The following MAP3K13 variants were observed in gnomAD, a reference collection of about 807,000 sequenced individuals.
MAP3K13 encodes mitogen-activated protein kinase kinase kinase 13, also known as leucine zipper-bearing kinase.
Under a neutral mutation model 104.0 loss-of-function variants are expected in MAP3K13, and 52 were observed. The observed-to-expected ratio is 0.50, with a 90% CI of 0.40 to 0.63. The LOEUF is 0.63. MAP3K13 is among the 20% of genes least tolerant of loss of function. The probability of loss-of-function intolerance (pLI) is 0.00; values close to 1 mark genes in which losing one functional copy is unlikely to be tolerated. For synonymous variants in MAP3K13, 394 were observed against 442.2 expected (o/e 0.89, Z 1.37); for missense variants, 914 against 1,218.5 (o/e 0.75, Z 3.72).
chr3:185,283,907 T>C lies in MAP3K13; in HGVS notation c.-205+880T>C, dbSNP rs534704786. On this transcript the variant is annotated intron_variant, in intron 1 of 14. Coordinates refer to the MAP3K13 transcript ENST00000424227. ...TTTTCTTTCTTTCTTTCTTTTTTTTTTTTTTTTTTTCTGAGACGGAGTCTC... is the reference window on the plus strand; with the variant it reads ...TTTTCTTTCTTTCTTTCTTTTTTTTCTTTTTTTTTTCTGAGACGGAGTCTC... Among the ~76,000 whole-genome samples the C allele has an allele frequency of 4.0e-5, 6 of 148,618 alleles. No homozygotes were observed. The South Asian group carries it at 1.3e-3, about 31-fold the overall frequency.
At chr3:185,288,366 G>A (rs1300987307) in intron 2 of MAP3K13, among the ~76,000 whole-genome samples, 1 of 150,944 alleles carries the variant, frequency 6.6e-6, no homozygotes, top group East Asian at 1.9e-4. Flanking sequence ...CTACATCTAT[G>A]TATATTACAT....
chr3:185,356,863 CATGTATGT>C lies in MAP3K13; in HGVS notation c.-86+71259_-86+71266del, dbSNP rs72268579. On this transcript the variant is annotated intron_variant, in intron 2 of 14. Coordinates refer to the MAP3K13 transcript ENST00000424227. The stretch of plus-strand genomic sequence containing the variant: ...ATGGGGATGATACAGAGGCAGACTT[CATGTATGT>C]ATGTATGTATGTATGTATGTATGTA... Among the ~76,000 whole-genome samples, 1,269 of 149,602 alleles carry C rather than the reference CATGTATGT, an allele frequency of 8.5e-3. 23 individuals carry two copies. Among genetic ancestry groups the C allele is most frequent in the African/African-American group, 0.026 (1,065 of 40,548 alleles).
At chr3:185,441,909 T>G (rs1715342973) in intron 3 of MAP3K13, among the ~76,000 whole-genome samples, 1 of 151,792 alleles carries the variant, frequency 6.6e-6, no homozygotes. Flanking sequence ...GGTGTGGTGG[T>G]GGGCACCTGT....
chr3:185,460,377 G>C (rs1056825374), intron 7 of MAP3K13, among the ~76,000 whole-genome samples: 1 of 152,152 alleles, frequency 6.6e-6, no homozygotes, highest in East Asian at 1.9e-4. Context: ...GTGGACAGCA[G>C]GAGAGCAACG....
rs891874454 is a variant in MAP3K13 at position 185,304,708 on chromosome 3, A to G, written c.-86+19065A>G. ...GAGTACAGTGGCGCGATCTTGGCTC[A>G]GTGCAACCTCTGCCTCCCGGGTTCA... On this transcript the variant is annotated intron_variant, in intron 2 of 14. Coordinates refer to the MAP3K13 transcript ENST00000424227. Among the ~76,000 whole-genome samples the G allele has an allele frequency of 4.2e-4, 64 of 152,212 alleles. 2 individuals are homozygous for G. The highest frequency in any genetic ancestry group is 1.4e-3 in the African/African-American group (58 of 41,544).
intron 1 of MAP3K13, among the ~76,000 whole-genome samples, chr3:185,419,783 T>C (rs561181820): frequency 6.0e-4 from 92 of 152,152 alleles, no homozygotes; most frequent in Non-Finnish European, 1.1e-3. Flanking sequence ...AGATAGCATT[T>C]ATGATATGAT....
At chr3:185,283,474 G>A (rs574513587) in intron 1 of MAP3K13, among the ~76,000 whole-genome samples, 3 of 151,996 alleles carry the variant, frequency 2.0e-5, no homozygotes, top group Non-Finnish European at 4.4e-5. Flanking sequence ...TGTTGTCGAA[G>A]GAATGAATGA....
intron 1 of MAP3K13, among the ~76,000 whole-genome samples, chr3:185,366,390 T>C (rs1462207120): frequency 6.6e-6 from 1 of 152,228 alleles, no homozygotes; most frequent in Admixed American, 6.5e-5. Flanking sequence ...ATAATGCTTC[T>C]ATGAACATTT....
intron 10 of MAP3K13, among the ~76,000 whole-genome samples, chr3:185,471,196 C>T (rs997165598): frequency 6.6e-6 from 1 of 151,836 alleles, no homozygotes; most frequent in African/African-American, 2.4e-5. Flanking sequence ...TTTTGGCTAA[C>T]TTTCTAAAAC....
intron 2 of MAP3K13, among the ~76,000 whole-genome samples, chr3:185,295,228 C>T (rs764264410): frequency 5.9e-5 from 9 of 151,862 alleles, no homozygotes; most frequent in South Asian, 2.1e-4. Context: ...GTTTTTGAGA[C>T]GGAGTTTTGC....
chr3:185,470,141 T>A (rs1717694708), intron 10 of MAP3K13, among the ~76,000 whole-genome samples: 1 of 152,198 alleles, frequency 6.6e-6, no homozygotes, highest in Admixed American at 6.5e-5. Context: ...GCATTTCTCA[T>A]AATAATTCGA....
chr3:185,340,641 G>A (rs1386456394), intron 2 of MAP3K13, among the ~76,000 whole-genome samples: 3 of 152,146 alleles, frequency 2.0e-5, no homozygotes, highest in Non-Finnish European at 2.9e-5. Context: ...ATCTTGAATT[G>A]TAATCCCCAT....
rs577203564 is a variant in MAP3K13, at chr3:185,299,033, A to G, written c.-86+13390A>G. Among the ~76,000 whole-genome samples the G allele has an allele frequency of 3.3e-5, 5 of 152,352 alleles. No homozygotes were observed. The South Asian group carries it at 6.2e-4, about 19-fold the overall frequency. On this transcript the variant is annotated intron_variant, in intron 2 of 14. Transcript: ENST00000424227. Reference sequence around the variant, plus strand: ...TTAATAACCCTTGGAATCATCTTTCAGGAAATGCTGAAAATTTTGCTTCTG... The same window carrying G: ...TTAATAACCCTTGGAATCATCTTTCGGGAAATGCTGAAAATTTTGCTTCTG...
chr3:185,395,267 C>A (rs868782687), intron 1 of MAP3K13, among the ~76,000 whole-genome samples: 11 of 151,382 alleles, frequency 7.3e-5, no homozygotes, highest in Non-Finnish European at 1.3e-4. Context: ...AGAATGACAT[C>A]GCTGTATTAT....
chr3:185,390,901 G>A lies in MAP3K13; in HGVS notation c.-86+27533G>A, dbSNP rs1378903796. 4.6e-5 allele frequency among the ~76,000 whole-genome samples: 7 copies of A among 152,106 alleles called. No homozygotes were observed. In the East Asian group the frequency reaches 5.8e-4, roughly 13 times the overall value. On this transcript the variant is annotated intron_variant, in intron 1 of 13. Coordinates refer to ENST00000265026, the MANE Select transcript of MAP3K13 (RefSeq NM_004721.5). ...CTCACAAAGTGCTGGGATTACAGGC[G>A]TGAGCCACTGCGCTGGGCCGATATT...
chr3:185,333,406 G>C lies in MAP3K13; in HGVS notation c.-86+47763G>C, dbSNP rs564182499. Among the ~76,000 whole-genome samples, 6 of 152,154 alleles carry C rather than the reference G, an allele frequency of 3.9e-5. 1 individual carries two copies. The highest frequency in any genetic ancestry group is 1.4e-4 in the African/African-American group (6 of 41,532). On this transcript the variant is annotated intron_variant, in intron 2 of 14. Coordinates refer to the MAP3K13 transcript ENST00000424227. ...TAAGGCAAAAACAAAAAAGGAAAAAGAAATTAAAAGACCTAAAGTGCAGAA... is the reference window on the plus strand; with the variant it reads ...TAAGGCAAAAACAAAAAAGGAAAAACAAATTAAAAGACCTAAAGTGCAGAA...
At chr3:185,291,469 T>G in intron 2 of MAP3K13, 1 of 813,262 alleles carries the variant, frequency 1.2e-6, no homozygotes, top group Non-Finnish European at 1.8e-6. Context: ...TTCCTTTTCT[T>G]TGTTTTTGAT....
In MAP3K13 at chr3:185,395,585, C is replaced by G. The variant is rs1472573849; in HGVS notation, c.-86+32217C>G. ...GTTTTAGCCGGGATGGTCTCGATCT[C>G]CTGACCTCGTGATCCGCCCGCCTCG... On this transcript the variant is annotated intron_variant, in intron 1 of 13. Transcript: ENST00000265026. Among the ~76,000 whole-genome samples, 3 of 150,598 alleles carry G rather than the reference C, an allele frequency of 2.0e-5. No homozygotes were observed. The East Asian group carries it at 5.8e-4, about 29-fold the overall frequency.
rs771226423 is a variant in MAP3K13 at position 185,480,463 on chromosome 3, T to C, written c.2733T>C (p.Cys911=). Residue 911 remains cysteine, a synonymous_variant, in exon 13 of 14, where the codon TGT becomes TGC. Coordinates refer to ENST00000265026, the MANE Select transcript of MAP3K13 (RefSeq NM_004721.5). ...CGGATGGGCTCTCTGACAAGGAGTG[T>C]GCCGTGCGCCGTGTGAAGACTCAGA... ...SHSDGLSDKE[C]AVRRVKTQMS... 4.0e-5 allele frequency: 64 copies of C among 1,614,098 alleles called. No homozygotes were observed. Among genetic ancestry groups the C allele is most frequent in the Non-Finnish European group, 5.2e-5 (61 of 1,180,052 alleles).
Sources: gnomAD v4.1 joint callset for allele counts (sites outside exome capture counted in the v4.1 genomes callset) on GRCh38, gnomAD v4.1.1 for gene constraint, MANE v1.5 for transcripts, NCBI Gene and HGNC (gene_info 2026-07-23, HGNC 2026-07-21) for gene names.